Variants in NRG3 observed in about 807,000 individuals in gnomAD.
NRG3 encodes the protein neuregulin 3.
A neutral mutation model predicts 66.9 loss-of-function variants in NRG3; 31 were observed. The observed-to-expected ratio is 0.46, with a 90% confidence interval of 0.35 to 0.63. NRG3 has a LOEUF of 0.63. Among genes scored for constraint, NRG3 ranks in the 20% least tolerant of loss-of-function variants. The pLI, the probability that NRG3 is intolerant of heterozygous loss-of-function variation, is 0.00. For missense variants in NRG3, 910 were observed against 878.9 expected, an observed-to-expected ratio of 1.04 and a Z score of -0.45; for synonymous variants, 393 against 359.4, an observed-to-expected ratio of 1.09 and a Z score of -1.06.
intron 2 of NRG3, among the ~76,000 whole-genome samples, chr10:82,652,974 A>G (rs2051549637): frequency 6.6e-6 from 1 of 152,186 alleles, no homozygotes; most frequent in Non-Finnish European, 1.5e-5. Context: ...ATTTTAAGTA[A>G]CCAAATCAGG....
At chr10:82,637,883 T>G (rs907123865) in intron 2 of NRG3, among the ~76,000 whole-genome samples, 1 of 150,732 alleles carries the variant, frequency 6.6e-6, no homozygotes, top group African/African-American at 2.5e-5. Context: ...TGCGGTAAAG[T>G]TAATTTCCCA....
At chr10:82,300,489 A>G (rs1387601711) in intron 1 of NRG3, among the ~76,000 whole-genome samples, 1 of 152,214 alleles carries the variant, frequency 6.6e-6, no homozygotes, top group African/African-American at 2.4e-5. Context: ...CACTCTTGCC[A>G]TAATGTTCAT....
At chr10:82,659,333 C>T (rs1050478492) in intron 2 of NRG3, among the ~76,000 whole-genome samples, 3 of 152,154 alleles carry the variant, frequency 2.0e-5, no homozygotes, top group Non-Finnish European at 4.4e-5. Context: ...ATAGCTGTCT[C>T]TGCAATTTTT....
chr10:82,725,733 A>G (rs547146815), intron 2 of NRG3, among the ~76,000 whole-genome samples: 1 of 152,284 alleles, frequency 6.6e-6, no homozygotes, highest in African/African-American at 2.4e-5. Flanking sequence ...TGCTTCTAGG[A>G]CACATACAAG....
At chr10:82,206,457 C>T (rs1589312174) in intron 1 of NRG3, among the ~76,000 whole-genome samples, 1 of 152,188 alleles carries the variant, frequency 6.6e-6, no homozygotes, top group African/African-American at 2.4e-5. Context: ...CAGTGGCAGG[C>T]AGACCCTTCT....
intron 1 of NRG3, among the ~76,000 whole-genome samples, chr10:81,988,449 T>C (rs1049059281): frequency 1.3e-5 from 2 of 152,200 alleles, no homozygotes; most frequent in African/African-American, 4.8e-5. Flanking sequence ...GTTGTTTTCA[T>C]GGTTATTGTT....
At chr10:82,217,202 G>T (rs182518470) in intron 1 of NRG3, among the ~76,000 whole-genome samples, 5 of 152,254 alleles carry the variant, frequency 3.3e-5, no homozygotes, top group African/African-American at 1.2e-4. Context: ...TTTGTTGAGG[G>T]TGCCTGTGGG....
intron 2 of NRG3, among the ~76,000 whole-genome samples, chr10:82,567,212 GGAAGTCTT>G (rs1246574565): frequency 6.6e-6 from 1 of 151,868 alleles, no homozygotes; most frequent in Non-Finnish European, 1.5e-5. Context: ...CTGTCTATGA[GGAAGTCTT>G]GGAAGTACTA....
chr10:82,559,450 C>T (rs902510050), intron 2 of NRG3, among the ~76,000 whole-genome samples: 1 of 152,182 alleles, frequency 6.6e-6, no homozygotes, highest in African/African-American at 2.4e-5. Flanking sequence ...CAGTTGAGTA[C>T]TTACAACTTG....
chr10:82,486,419 ATT>A (rs138794119), intron 2 of NRG3, among the ~76,000 whole-genome samples: 1 of 147,208 alleles, frequency 6.8e-6, no homozygotes, highest in Admixed American at 6.8e-5. Flanking sequence ...CCTATAATGG[ATT>A]TTTTTTTTTT....
chr10:82,249,530 A>T (rs1482991252), intron 1 of NRG3, among the ~76,000 whole-genome samples: 9 of 152,200 alleles, frequency 5.9e-5, no homozygotes. Context: ...TGTTGAATGA[A>T]AAAGAAAATA....
intron 1 of NRG3, among the ~76,000 whole-genome samples, chr10:82,243,681 G>A (rs191549104): frequency 2.0e-5 from 3 of 152,152 alleles, no homozygotes; most frequent in Admixed American, 6.5e-5. Context: ...TAAAGGTTAA[G>A]TAAATAAGTT....
intron 1 of NRG3, among the ~76,000 whole-genome samples, chr10:81,995,879 G>GT: frequency 6.6e-6 from 1 of 152,098 alleles, no homozygotes; most frequent in South Asian, 2.1e-4. Context: ...TGTTTGTTTT[G>GT]TTTTTTGTTA....
intron 1 of NRG3, among the ~76,000 whole-genome samples, chr10:81,962,616 C>T (rs540013163): frequency 6.6e-6 from 1 of 152,284 alleles, no homozygotes; most frequent in African/African-American, 2.4e-5. Context: ...ACATTCTACC[C>T]CAAAACTTAC....
chr10:82,005,081 A>G (rs2061332831), intron 1 of NRG3, among the ~76,000 whole-genome samples: 2 of 152,340 alleles, frequency 1.3e-5, no homozygotes, highest in South Asian at 4.1e-4. Flanking sequence ...GAACACTGAG[A>G]TGAAGAGATA....
At chr10:82,437,002 C>T (rs369897234) in intron 2 of NRG3, among the ~76,000 whole-genome samples, 52 of 152,074 alleles carry the variant, frequency 3.4e-4, no homozygotes, top group African/African-American at 1.1e-3. Flanking sequence ...GAGAATCTGA[C>T]GATTATGTGT....
chr10:82,101,477 T>A (rs2066717957), intron 1 of NRG3, among the ~76,000 whole-genome samples: 1 of 151,874 alleles, frequency 6.6e-6, no homozygotes, highest in Admixed American at 6.6e-5. Context: ...CTCAATGCTG[T>A]AAATTTTCTG....
intron 2 of NRG3, among the ~76,000 whole-genome samples, chr10:82,685,784 A>G (rs745804702): frequency 1.3e-5 from 2 of 152,142 alleles, no homozygotes; most frequent in African/African-American, 2.4e-5. Context: ...TTCTATGCTT[A>G]TAATTTTTGT....
chr10:82,867,151 T>C (rs1232576820), intron 4 of NRG3, among the ~76,000 whole-genome samples: 2 of 152,168 alleles, frequency 1.3e-5, no homozygotes, highest in African/African-American at 4.8e-5. Flanking sequence ...CTGATACTAC[T>C]TTTTCTTGTC....
Sources: allele counts gnomAD v4.1 joint callset (sites outside exome capture counted in the v4.1 genomes callset), GRCh38; gene constraint gnomAD v4.1.1; transcripts MANE v1.5; gene names NCBI Gene and HGNC (gene_info 2026-07-23, HGNC 2026-07-21).